Variants in BMP5 observed in about 807,000 individuals in gnomAD.
BMP5 encodes bone morphogenetic protein 5.
BMP5 carries 23 observed loss-of-function variants against 46.6 expected under a neutral mutation model. The observed-to-expected ratio is 0.49, with a 90% confidence interval of 0.35 to 0.70. The LOEUF (loss-of-function observed/expected upper bound fraction) is 0.70. Among genes scored for constraint, BMP5 ranks in the 30% least tolerant of loss-of-function variants. BMP5 has a pLI of 0.00. For missense variants in BMP5, 545 were observed against 565.6 expected (o/e 0.96, Z 0.37); for synonymous variants, 204 against 191.9 (o/e 1.06, Z -0.52).
intron 1 of BMP5, among the ~76,000 whole-genome samples, chr6:55,865,931 C>A (rs1343467932): frequency 6.6e-6 from 1 of 152,162 alleles, no homozygotes; most frequent in East Asian, 1.9e-4. Context: ...AAAACCCTAA[C>A]ACTGAAACCC....
Position 55,755,458 on chromosome 6 carries a change from G to T in BMP5, c.*75C>A. The T allele has an allele frequency of 2.1e-6, 3 of 1,439,162 alleles. No homozygotes were observed. Among genetic ancestry groups the T allele is most frequent in the Non-Finnish European group, 2.9e-6 (3 of 1,037,418 alleles). 89.1% of individuals were successfully genotyped at this position (1,439,162 alleles called of 1,614,324 possible). A position where few individuals can be genotyped will look rare whatever the true frequency, so the allele number is the denominator to read the frequency against. On this transcript the variant is annotated 3_prime_UTR_variant, in exon 7 of 7. Coordinates refer to ENST00000370830, the MANE Select transcript of BMP5 (RefSeq NM_021073.4). ...ACTAATTTTAGGAAATTCCCCGTTTGTCTGAAAGTATGCTTTTTATTGCAG... is the reference window on the plus strand; with the variant it reads ...ACTAATTTTAGGAAATTCCCCGTTTTTCTGAAAGTATGCTTTTTATTGCAG...
intron 2 of BMP5, among the ~76,000 whole-genome samples, chr6:55,800,589 G>A (rs1479895202): frequency 6.6e-6 from 1 of 152,140 alleles, no homozygotes; most frequent in African/African-American, 2.4e-5. Flanking sequence ...TATTGGAAAT[G>A]TTAACTTCCT....
At chr6:55,784,979 A>G (rs1775412067) in intron 3 of BMP5, among the ~76,000 whole-genome samples, 2 of 151,824 alleles carry the variant, frequency 1.3e-5, no homozygotes, top group Non-Finnish European at 3.0e-5. Context: ...GAAGAAGTAG[A>G]TATTTCATTT....
intron 1 of BMP5, among the ~76,000 whole-genome samples, chr6:55,859,273 A>G (rs1224728877): frequency 1.3e-5 from 2 of 152,186 alleles, no homozygotes; most frequent in African/African-American, 2.4e-5. Flanking sequence ...AAATGCATTA[A>G]AAAAGGTCAC....
At chr6:55,761,693 G>C (rs1764560613) in intron 4 of BMP5, among the ~76,000 whole-genome samples, 2 of 152,010 alleles carry the variant, frequency 1.3e-5, no homozygotes, top group African/African-American at 2.4e-5. Context: ...TTTTAATATT[G>C]CAACTCTCAC....
At chr6:55,863,638 G>A (rs147487467) in intron 1 of BMP5, among the ~76,000 whole-genome samples, 148 of 152,190 alleles carry the variant, frequency 9.7e-4, no homozygotes, top group African/African-American at 3.5e-3. Flanking sequence ...ACGATAAGCA[G>A]CCACATAATG....
intron 1 of BMP5, among the ~76,000 whole-genome samples, chr6:55,822,762 G>A (rs2127539596): frequency 6.6e-6 from 1 of 152,172 alleles, no homozygotes; most frequent in South Asian, 2.1e-4. Flanking sequence ...TAGAAAGCTA[G>A]AATTTCAGCC....
At position 55,768,658 on chromosome 6, in the gene BMP5, C is replaced by T. The variant is rs9464287; in HGVS notation, c.1027+5391G>A. Among the ~76,000 whole-genome samples, 1,426 of 151,986 alleles carry T rather than the reference C, an allele frequency of 9.4e-3. 29 individuals are homozygous for T. The highest frequency in any genetic ancestry group is 0.032 in the African/African-American group (1,342 of 41,514). ...AAATCACCATGGATGTAGGCAGGGC[C>T]ACTACATGATTGGATTATTTTTCGA... On this transcript the variant is annotated intron_variant, in intron 4 of 6. Coordinates refer to ENST00000370830, the MANE Select transcript of BMP5 (RefSeq NM_021073.4).
At chr6:55,838,919 CAT>C (rs1183492615) in intron 1 of BMP5, among the ~76,000 whole-genome samples, 1 of 152,120 alleles carries the variant, frequency 6.6e-6, no homozygotes, top group African/African-American at 2.4e-5. Flanking sequence ...TTTCTTGAGA[CAT>C]AGTGAAATGC....
intron 3 of BMP5, among the ~76,000 whole-genome samples, chr6:55,776,986 C>G (rs1264074703): frequency 6.6e-6 from 1 of 151,786 alleles, no homozygotes; most frequent in Non-Finnish European, 1.5e-5. Context: ...AAGCAAAGTA[C>G]CCTCCAAACC....
chr6:55,804,099 G>C (rs1333389617), intron 2 of BMP5, among the ~76,000 whole-genome samples: 1 of 152,152 alleles, frequency 6.6e-6, no homozygotes, highest in Non-Finnish European at 1.5e-5. Flanking sequence ...CTTACTCCCT[G>C]TTATGGGTTA....
At chr6:55,803,422 C>T (rs1775903620) in intron 2 of BMP5, among the ~76,000 whole-genome samples, 1 of 152,042 alleles carries the variant, frequency 6.6e-6, no homozygotes, top group Admixed American at 6.6e-5. Flanking sequence ...ATTACCTAAA[C>T]AGAAATGACA....
In BMP5 at chr6:55,763,832, C is replaced by T. The variant is rs183856555; in HGVS notation, c.1028-3299G>A. 1.2e-4 allele frequency among the ~76,000 whole-genome samples: 19 copies of T among 152,174 alleles called. No individual in the cohort carries two copies. In the East Asian group the frequency reaches 3.7e-3, roughly 29 times the overall value. On this transcript the variant is annotated intron_variant, in intron 4 of 6. Coordinates refer to ENST00000370830, the MANE Select transcript of BMP5 (RefSeq NM_021073.4). ...AAAATAGTAAACATATTGCTAAATA[C>T]TTTATGCAAATTTCTTTATGGTCAA...
At chr6:55,868,360 T>A (rs1348624735) in intron 1 of BMP5, among the ~76,000 whole-genome samples, 1 of 152,176 alleles carries the variant, frequency 6.6e-6, no homozygotes, top group Non-Finnish European at 1.5e-5. Context: ...TTAGAAGTCA[T>A]AAAACAGCAC....
chr6:55,808,737 C>T (rs1279572432), intron 2 of BMP5, among the ~76,000 whole-genome samples: 3 of 152,296 alleles, frequency 2.0e-5, no homozygotes, highest in Middle Eastern at 3.4e-3. Context: ...CCATGAGGCC[C>T]TCAGGTGGGC....
At chr6:55,869,591 T>C (rs1777731621) in intron 1 of BMP5, among the ~76,000 whole-genome samples, 2 of 152,206 alleles carry the variant, frequency 1.3e-5, no homozygotes, top group South Asian at 4.1e-4. Context: ...TTATTTTTGT[T>C]CATTGTTGAT....
chr6:55,856,827 T>C (rs1483089655), intron 1 of BMP5, among the ~76,000 whole-genome samples: 4 of 152,120 alleles, frequency 2.6e-5, no homozygotes, highest in Non-Finnish European at 4.4e-5. Context: ...ATATTATTAA[T>C]TGTATTATTT....
At chr6:55,771,879 T>C (rs1241283290) in intron 4 of BMP5, among the ~76,000 whole-genome samples, 2 of 151,874 alleles carry the variant, frequency 1.3e-5, no homozygotes, top group African/African-American at 2.4e-5. Context: ...TTGTTATTTA[T>C]ATTTGGATAA....
chr6:55,872,843 A>G (rs966941090), intron 1 of BMP5, among the ~76,000 whole-genome samples: 10 of 151,832 alleles, frequency 6.6e-5, no homozygotes, highest in Non-Finnish European at 1.3e-4. Context: ...TAAATTCTTG[A>G]ATAATACTTT....
Sources: gnomAD v4.1 joint callset for allele counts (sites outside exome capture counted in the v4.1 genomes callset) on GRCh38, gnomAD v4.1.1 for gene constraint, MANE v1.5 for transcripts, NCBI Gene and HGNC (gene_info 2026-07-23, HGNC 2026-07-21) for gene names.